CD8B: variants seen among roughly 807,000 people sequenced by gnomAD.
CD8B encodes the protein T-cell surface glycoprotein CD8 beta chain.
A neutral mutation model predicts 24.2 loss-of-function variants in CD8B; 6 were observed. The observed-to-expected ratio is 0.25, with a 90% confidence interval of 0.14 to 0.49. CD8B has a LOEUF of 0.49. Ranked by LOEUF, CD8B falls within the 20% of genes least tolerant of loss-of-function variation. The probability of loss-of-function intolerance (pLI) is 0.98; values close to 1 mark genes in which losing one functional copy is unlikely to be tolerated. For synonymous variants in CD8B, 84 were observed against 108.3 expected (o/e 0.78, Z 1.39); for missense variants, 196 against 271.3 (o/e 0.72, Z 1.95).
downstream of CD8B, among the ~76,000 whole-genome samples, chr2:86,833,639 C>CCTTCCTT (rs1675040813): frequency 2.6e-5 from 2 of 75,960 alleles, no homozygotes; most frequent in Admixed American, 2.7e-4. Context: ...CTCCCTCCCT[C>CCTTCCTT]CCTTCCTTCC....
rs1009398775 is a variant in CD8B at position 86,861,805 on chromosome 2, C to G, written c.43+18G>C. On this transcript the variant is annotated intron_variant, in intron 1 of 5. Coordinates refer to ENST00000390655, the MANE Select transcript of CD8B (RefSeq NM_004931.5). ...CGGGAGCGCAGACCCTTGGGTAGCC[C>G]GCGCGCCGCCGCCTTACCTGTCAGC... is the stretch of plus-strand genomic sequence containing the variant. The G allele has an allele frequency of 4.2e-5, 54 of 1,271,218 alleles. No individual in the cohort carries two copies. The highest frequency in any genetic ancestry group is 5.3e-5 in the Non-Finnish European group (54 of 1,010,402). 78.7% of individuals were successfully genotyped at this position (1,271,218 alleles called of 1,614,324 possible). A position where few individuals can be genotyped will look rare whatever the true frequency, so the allele number is the denominator to read the frequency against.
At chr2:86,821,715 C>A in intron 5 of CD8B, 1 of 439,602 alleles carries the variant, frequency 2.3e-6, no homozygotes, top group Admixed American at 2.4e-5. Context: ...TAGGTGAACG[C>A]CTTCGGAACC....
chr2:86,860,590 T>A (rs1206540247), intron 1 of CD8B, among the ~76,000 whole-genome samples: 1 of 152,200 alleles, frequency 6.6e-6, no homozygotes, highest in Admixed American at 6.5e-5. Flanking sequence ...GTTAAAGATG[T>A]GCTCAAGGTC....
At chr2:86,822,192 T>A in intron 5 of CD8B, 1 of 576,448 alleles carries the variant, frequency 1.7e-6, no homozygotes. Context: ...AACACAAAAT[T>A]ATATCAGTGC....
At chr2:86,859,569 G>A (rs1676464199) in intron 1 of CD8B, among the ~76,000 whole-genome samples, 1 of 152,206 alleles carries the variant, frequency 6.6e-6, no homozygotes, top group South Asian at 2.1e-4. Context: ...TACTGTCCCT[G>A]TGTCTCATAT....
At chr2:86,818,124 T>C (rs1261095091) in intron 5 of CD8B, among the ~76,000 whole-genome samples, 1 of 151,882 alleles carries the variant, frequency 6.6e-6, no homozygotes, top group African/African-American at 2.4e-5. Context: ...GCAGGAGAAT[T>C]GCTTGAACTG....
intron 2 of CD8B, among the ~76,000 whole-genome samples, chr2:86,857,113 G>A (rs1676306052): frequency 6.6e-6 from 1 of 151,936 alleles, no homozygotes; most frequent in South Asian, 2.1e-4. Flanking sequence ...GTGTGACACA[G>A]AAGAGAACAC....
intron 2 of CD8B, among the ~76,000 whole-genome samples, chr2:86,854,147 T>C (rs1192089777): frequency 3.3e-5 from 5 of 152,158 alleles, no homozygotes; most frequent in Admixed American, 1.3e-4. Flanking sequence ...CACCTCCTTC[T>C]TGGGATTATC....
intron 5 of CD8B, chr2:86,821,843 T>A (rs1674488992): frequency 3.1e-6 from 1 of 319,144 alleles, no homozygotes; most frequent in Non-Finnish European, 6.8e-6. Context: ...TCCACCCTTC[T>A]CTTCCCCCTG....
chr2:86,859,090 G>A (rs1276249951), intron 1 of CD8B, among the ~76,000 whole-genome samples: 1 of 151,996 alleles, frequency 6.6e-6, no homozygotes, highest in African/African-American at 2.4e-5. Flanking sequence ...ACAGCCCTTC[G>A]GTAGGCTCCA....
intron 5 of CD8B, among the ~76,000 whole-genome samples, chr2:86,832,434 T>C (rs1674937904): frequency 1.3e-5 from 2 of 151,140 alleles, no homozygotes; most frequent in Admixed American, 1.3e-4. Flanking sequence ...GCCAAGATCA[T>C]GCCACTGTAC....
At chr2:86,824,415 A>G (rs1167779965) in intron 5 of CD8B, among the ~76,000 whole-genome samples, 1 of 152,186 alleles carries the variant, frequency 6.6e-6, no homozygotes, top group Non-Finnish European at 1.5e-5. Flanking sequence ...TGCAACAGGA[A>G]AGCAATTGTT....
At chr2:86,836,757 T>C (rs1675193722), downstream of CD8B, among the ~76,000 whole-genome samples, 1 of 151,944 alleles carries the variant, frequency 6.6e-6, no homozygotes, top group Admixed American at 6.6e-5. Flanking sequence ...CAGAGCACTG[T>C]ACACACACAC....
At chr2:86,819,473 C>A (rs1189897672) in intron 5 of CD8B, among the ~76,000 whole-genome samples, 1 of 152,110 alleles carries the variant, frequency 6.6e-6, no homozygotes, top group African/African-American at 2.4e-5. Context: ...AACCCTAAGT[C>A]CCTTAAGAAT....
intron 5 of CD8B, among the ~76,000 whole-genome samples, chr2:86,825,473 G>T (rs1054762765): frequency 6.6e-6 from 1 of 152,142 alleles, no homozygotes; most frequent in African/African-American, 2.4e-5. Context: ...CCCAAGGGTC[G>T]CAGTAAACCC....
chr2:86,831,750 T>A (rs1307497290), intron 5 of CD8B, among the ~76,000 whole-genome samples: 1 of 152,088 alleles, frequency 6.6e-6, no homozygotes, highest in Non-Finnish European at 1.5e-5. Context: ...ACACGGGTGG[T>A]CAAAGTAGAA....
At chr2:86,821,493 G>C (rs192117632) in intron 5 of CD8B, among the ~76,000 whole-genome samples, 88 of 152,300 alleles carry the variant, frequency 5.8e-4, no homozygotes, top group African/African-American at 2.0e-3. Context: ...GCAACATGGG[G>C]CCTTGTCCTG....
chr2:86,833,468 C>T (rs888973972), downstream of CD8B, among the ~76,000 whole-genome samples: 3 of 137,906 alleles, frequency 2.2e-5, no homozygotes, highest in East Asian at 4.1e-4. Flanking sequence ...TGTGAGGCAC[C>T]GCACCCGGCC....
intron 1 of CD8B, among the ~76,000 whole-genome samples, chr2:86,859,438 T>C (rs1676458307): frequency 6.6e-6 from 1 of 152,088 alleles, no homozygotes; most frequent in Non-Finnish European, 1.5e-5. Context: ...CGAGCCTCTG[T>C]CTTCTTATGA....
Sources: gnomAD v4.1 joint callset for allele counts (sites outside exome capture counted in the v4.1 genomes callset) on GRCh38, gnomAD v4.1.1 for gene constraint, MANE v1.5 for transcripts, NCBI Gene and HGNC (gene_info 2026-07-23, HGNC 2026-07-21) for gene names.